KCNQ1: variants seen among roughly 807,000 people sequenced by gnomAD.
The protein encoded by KCNQ1 is potassium voltage-gated channel subfamily KQT member 1.
Under a neutral mutation model 72.4 loss-of-function variants are expected in KCNQ1, and 49 were observed. The ratio of observed to expected loss-of-function variants is 0.68; its 90% CI spans 0.54 to 0.86. The LOEUF (loss-of-function observed/expected upper bound fraction) is 0.86, where lower values mean the gene tolerates loss of function less well. KCNQ1 is among the 40% of genes least tolerant of loss of function. KCNQ1 has a pLI of 0.00. For missense variants in KCNQ1, 790 were observed against 945.1 expected (o/e 0.84, Z 2.15); for synonymous variants, 450 against 412.6 (o/e 1.09, Z -1.10).
At position 2,776,374 on chromosome 11, in the gene KCNQ1, A is replaced by G. The variant is rs144076897; in HGVS notation, c.1685+320A>G. 1.4e-3 allele frequency among the ~76,000 whole-genome samples: 206 copies of G among 151,482 alleles called. 1 individual carries two copies. Among genetic ancestry groups the G allele is most frequent in the African/African-American group, 4.6e-3 (191 of 41,222 alleles). Reference sequence around the variant, plus strand: ...GCTCAGGTAGCAACACCAGCTTCACACTCCCCACAACTTCAGGACACTCGG... The same window carrying G: ...GCTCAGGTAGCAACACCAGCTTCACGCTCCCCACAACTTCAGGACACTCGG... On this transcript the variant is annotated intron_variant, in intron 13 of 15. Coordinates refer to ENST00000155840, the MANE Select transcript of KCNQ1 (RefSeq NM_000218.3).
At chr11:2,597,320 A>G (rs1015556732) in intron 10 of KCNQ1, among the ~76,000 whole-genome samples, 2 of 152,258 alleles carry the variant, frequency 1.3e-5, no homozygotes, top group Non-Finnish European at 2.9e-5. Flanking sequence ...CCTTTGAATC[A>G]TTCTAGAAAT....
chr11:2,563,477 C>T lies in KCNQ1; in HGVS notation c.478-7151C>T, dbSNP rs1171674281. On this transcript the variant is annotated intron_variant, in intron 2 of 15. Coordinates refer to ENST00000155840, the MANE Select transcript of KCNQ1 (RefSeq NM_000218.3). The surrounding 1 kb of genome is among the most constrained non-coding windows in gnomAD (Gnocchi z 7.4). ...CCAGCATGGGGTCGGCCTGCGGGGC[C>T]ATGTGTCTCCTCCTGTGTGACCTTG... 2.0e-5 allele frequency among the ~76,000 whole-genome samples: 3 copies of T among 152,368 alleles called. No homozygotes were observed. The highest frequency in any genetic ancestry group is 4.4e-5 in the Non-Finnish European group (3 of 68,040).
intron 1 of KCNQ1, among the ~76,000 whole-genome samples, chr11:2,500,551 T>G (rs188829326): frequency 5.9e-5 from 9 of 152,288 alleles, no homozygotes; most frequent in Non-Finnish European, 2.9e-5. Flanking sequence ...TATAAATCAT[T>G]GTATTATAAA....
At chr11:2,454,723 C>A (rs1218021701) in intron 1 of KCNQ1, among the ~76,000 whole-genome samples, 1 of 152,058 alleles carries the variant, frequency 6.6e-6, no homozygotes, top group Non-Finnish European at 1.5e-5. Flanking sequence ...AATTCATCAT[C>A]CCTTCATTAA....
intron 15 of KCNQ1, among the ~76,000 whole-genome samples, chr11:2,798,535 A>G (rs1847188525): frequency 6.8e-6 from 1 of 146,132 alleles, no homozygotes; most frequent in East Asian, 2.1e-4. Context: ...TGGCAAAATT[A>G]TGCCGAGTTC....
At chr11:2,832,981 C>T (rs967534641) in intron 15 of KCNQ1, among the ~76,000 whole-genome samples, 2 of 152,184 alleles carry the variant, frequency 1.3e-5, no homozygotes, top group Admixed American at 6.5e-5. Flanking sequence ...ACACTAGCCT[C>T]CTCCCAGTGG....
At chr11:2,701,763 C>T (rs573223370) in intron 11 of KCNQ1, among the ~76,000 whole-genome samples, 1 of 152,208 alleles carries the variant, frequency 6.6e-6, no homozygotes, top group Non-Finnish European at 1.5e-5. Flanking sequence ...AGGATCACAA[C>T]TCCCACTCAG....
At chr11:2,786,033 C>T (rs528376356) in intron 15 of KCNQ1, among the ~76,000 whole-genome samples, 4 of 152,084 alleles carry the variant, frequency 2.6e-5, no homozygotes, top group African/African-American at 9.6e-5. Context: ...ATTTACTCAC[C>T]CATTTGCCTC....
rs1486061000 is a variant in KCNQ1 at position 2,536,797 on chromosome 11, G to C, written c.477+8779G>C. 6.6e-6 allele frequency among the ~76,000 whole-genome samples: 1 copy of C among 151,350 alleles called. No individual in the cohort carries two copies. Among genetic ancestry groups the C allele is most frequent in the Admixed American group, 6.5e-5 (1 of 15,268 alleles). Reference sequence around the variant, plus strand: ...AGGCTGGGCGGCTTAAACCGTGGAGGTCGCCCTCTCACAGCTCTGGACGAT... The same window carrying C: ...AGGCTGGGCGGCTTAAACCGTGGAGCTCGCCCTCTCACAGCTCTGGACGAT... On this transcript the variant is annotated intron_variant, in intron 2 of 15. Coordinates refer to ENST00000155840, the MANE Select transcript of KCNQ1 (RefSeq NM_000218.3). The surrounding 1 kb of genome is among the most constrained non-coding windows in gnomAD (Gnocchi z 7.4).
intron 2 of KCNQ1, among the ~76,000 whole-genome samples, chr11:2,545,633 G>A (rs921164615): frequency 3.9e-5 from 6 of 152,040 alleles, no homozygotes; most frequent in Non-Finnish European, 7.4e-5. Flanking sequence ...TTATATTCAG[G>A]TGATTGGTAA....
In KCNQ1 at chr11:2,565,904, T is replaced by C. The variant is rs1848240313; in HGVS notation, c.478-4724T>C. On this transcript the variant is annotated intron_variant, in intron 2 of 15. Transcript: ENST00000155840. This position sits in a 1 kb window ranked among gnomAD's most constrained non-coding sequence, Gnocchi z 5.6. ...GTCTGGAGGAAGGAGGGTGCTGTGG[T>C]CCTGGTGGCTCTTGTGCCTGCACCC... 6.6e-6 allele frequency among the ~76,000 whole-genome samples: 1 copy of C among 152,206 alleles called. No individual in the cohort carries two copies.
At chr11:2,754,761 G>A (rs943103255) in intron 11 of KCNQ1, among the ~76,000 whole-genome samples, 6 of 152,136 alleles carry the variant, frequency 3.9e-5, no homozygotes, top group Admixed American at 1.3e-4. Context: ...GATAATATAC[G>A]TTTATTAGTA....
chr11:2,844,025 C>T (rs372045814), intron 15 of KCNQ1, among the ~76,000 whole-genome samples: 3 of 152,216 alleles, frequency 2.0e-5, no homozygotes, highest in African/African-American at 7.2e-5. Context: ...GGCAGCTCCC[C>T]GATGGCACCT....
At chr11:2,775,389 C>T (rs529542184) in intron 12 of KCNQ1, among the ~76,000 whole-genome samples, 2 of 152,260 alleles carry the variant, frequency 1.3e-5, no homozygotes, top group Non-Finnish European at 2.9e-5. Flanking sequence ...ATGCTCGTCA[C>T]CCACAGCAAG....
At position 2,613,118 on chromosome 11, in the gene KCNQ1, G is replaced by A. The variant is rs1849008080; in HGVS notation, c.1393+24264G>A. 2.5e-6 allele frequency: 1 copy of A among 398,552 alleles called. No individual in the cohort carries two copies. The highest frequency in any genetic ancestry group is 2.1e-5 in the African/African-American group (1 of 48,632). 24.7% of individuals were successfully genotyped at this position (398,552 alleles called of 1,614,324 possible). ...ACATTTGTTTAAACATCTTGAGCCA[G>A]TGAATCTTCCACCCTCTGCTGAGGG... is the stretch of plus-strand genomic sequence containing the variant. On this transcript the variant is annotated intron_variant, in intron 10 of 15. Transcript: ENST00000155840. The surrounding 1 kb of genome is among the most constrained non-coding windows in gnomAD (Gnocchi z 4.8).
At chr11:2,590,001 C>T (rs1848650471) in intron 10 of KCNQ1, among the ~76,000 whole-genome samples, 1 of 152,178 alleles carries the variant, frequency 6.6e-6, no homozygotes, top group Non-Finnish European at 1.5e-5. Context: ...GTGGAAGGGA[C>T]CCCACTTCTC....
Position 2,647,765 on chromosome 11 carries a change from T to G in KCNQ1, c.1394-14196T>G, listed in dbSNP as rs1428334787. ...GAATTTATCTCTTTCCTCTAGGTTT[T>G]CTAATTGTTGACATATAGTTGTTCA... On this transcript the variant is annotated intron_variant, in intron 10 of 15. Coordinates refer to ENST00000155840, the MANE Select transcript of KCNQ1 (RefSeq NM_000218.3). This position sits in a 1 kb window ranked among gnomAD's most constrained non-coding sequence, Gnocchi z 4.0. The G allele has an allele frequency of 5.0e-6, 2 of 398,466 alleles. No homozygotes were observed. The highest frequency in any genetic ancestry group is 4.4e-6 in the Non-Finnish European group (1 of 226,050). 24.7% of individuals were successfully genotyped at this position (398,466 alleles called of 1,614,324 possible).
Position 2,550,957 on chromosome 11 carries a change from G to A in KCNQ1, c.478-19671G>A, listed in dbSNP as rs758609031. Reference sequence around the variant, plus strand: ...AGCTGCTCCCAGGCCAGACTCTGGTGGTAGCAGGAGGCAGGGGAGGCTGTG... The same window carrying A: ...AGCTGCTCCCAGGCCAGACTCTGGTAGTAGCAGGAGGCAGGGGAGGCTGTG... On this transcript the variant is annotated intron_variant, in intron 2 of 15. Coordinates refer to ENST00000155840, the MANE Select transcript of KCNQ1 (RefSeq NM_000218.3). The surrounding 1 kb of genome is among the most constrained non-coding windows in gnomAD (Gnocchi z 6.0). 7.9e-5 allele frequency among the ~76,000 whole-genome samples: 12 copies of A among 152,148 alleles called. No individual in the cohort carries two copies. The highest frequency in any genetic ancestry group is 2.1e-4 in the South Asian group (1 of 4,832).
chr11:2,545,693 C>T (rs917608123), intron 2 of KCNQ1, among the ~76,000 whole-genome samples: 3 of 151,974 alleles, frequency 2.0e-5, no homozygotes, highest in African/African-American at 7.2e-5. Flanking sequence ...TAATTCTATT[C>T]AGGTGATTGA....
Sources: gnomAD v4.1 joint callset for allele counts (sites outside exome capture counted in the v4.1 genomes callset) on GRCh38, gnomAD v4.1.1 for gene constraint, Gnocchi (gnomAD v3.1) non-coding constraint, MANE v1.5 for transcripts, NCBI Gene and HGNC (gene_info 2026-07-23, HGNC 2026-07-21) for gene names.